Variants in TRMT11 observed in about 807,000 individuals in gnomAD.
TRMT11 encodes the protein tRNA (guanine(10)-N(2))-methyltransferase TRMT11.
TRMT11 carries 53 observed loss-of-function variants against 62.8 expected under a neutral mutation model. The observed-to-expected ratio is 0.84, with a 90% CI of 0.68 to 1.06. The LOEUF is 1.06. Among genes scored for constraint, TRMT11 ranks in the 50% least tolerant of loss-of-function variants. The probability of loss-of-function intolerance (pLI) is 0.00; values close to 1 mark genes in which losing one functional copy is unlikely to be tolerated. For missense variants in TRMT11, 556 were observed against 553.4 expected, an observed-to-expected ratio of 1.00 and a Z score of -0.05; for synonymous variants, 188 against 190.3, an observed-to-expected ratio of 0.99 and a Z score of 0.10.
intron 21 of TRMT11, among the ~76,000 whole-genome samples, chr6:126,135,194 CA>C (rs1320990589): frequency 1.3e-5 from 2 of 150,898 alleles, no homozygotes; most frequent in African/African-American, 4.9e-5. Flanking sequence ...AAAATATTAA[CA>C]AAATTAAACT....
chr6:126,050,351 A>G (rs376512244), intron 16 of TRMT11, among the ~76,000 whole-genome samples: 88 of 148,530 alleles, frequency 5.9e-4, no homozygotes, highest in African/African-American at 2.1e-3. Flanking sequence ...AAAAAAAAAT[A>G]GACAATAGAA....
intron 17 of TRMT11, among the ~76,000 whole-genome samples, chr6:126,071,804 C>T (rs557991450): frequency 5.0e-4 from 76 of 152,230 alleles, no homozygotes; most frequent in African/African-American, 1.8e-3. Flanking sequence ...CAGCTAAAAT[C>T]TCCTCCATGT....
chr6:126,060,716 T>G (rs2128125757), intron 17 of TRMT11, among the ~76,000 whole-genome samples: 1 of 152,334 alleles, frequency 6.6e-6, no homozygotes, highest in East Asian at 1.9e-4. Context: ...AAGTTTCTTC[T>G]TTTTTCTTTT....
At chr6:126,008,520 A>G (rs761749693) in intron 8 of TRMT11, 48 bp downstream of exon 8, 6 of 1,479,588 alleles carry the variant, frequency 4.1e-6, no homozygotes, top group Non-Finnish European at 5.7e-6. Context: ...GTGGTGCCAA[A>G]TGTACCTTTA....
intron 7 of TRMT11, 90 bp downstream of exon 7, chr6:125,999,703 T>C: frequency 8.5e-7 from 1 of 1,173,810 alleles, no homozygotes. Context: ...AAAGAGTAAA[T>C]GGATAATCTT....
chr6:126,069,791 C>T (rs1201207773), intron 17 of TRMT11, among the ~76,000 whole-genome samples: 1 of 151,302 alleles, frequency 6.6e-6, no homozygotes. Context: ...TTTTTCAAGA[C>T]AGTAACTGTG....
At chr6:126,009,795 A>G (rs1472785513) in intron 8 of TRMT11, among the ~76,000 whole-genome samples, 2 of 152,120 alleles carry the variant, frequency 1.3e-5, no homozygotes, top group South Asian at 2.1e-4. Flanking sequence ...TAGTAGAAGC[A>G]GTATATTTCT....
intron 21 of TRMT11, among the ~76,000 whole-genome samples, chr6:126,117,628 C>T (rs1777605643): frequency 6.6e-6 from 1 of 151,946 alleles, no homozygotes; most frequent in Non-Finnish European, 1.5e-5. Context: ...TTCATTCTGA[C>T]CATGATTATT....
chr6:126,155,613 T>C (rs1778109580), intron 21 of TRMT11, among the ~76,000 whole-genome samples: 2 of 152,146 alleles, frequency 1.3e-5, no homozygotes, highest in Non-Finnish European at 2.9e-5. Flanking sequence ...CAAGATACAA[T>C]GGTAATACAG....
At chr6:126,054,510 C>T (rs775770380) in intron 17 of TRMT11, among the ~76,000 whole-genome samples, 19 of 152,260 alleles carry the variant, frequency 1.2e-4, no homozygotes, top group Middle Eastern at 6.8e-3. Flanking sequence ...CCTCCTGCAC[C>T]GAGGGAGATG....
intron 12 of TRMT11, among the ~76,000 whole-genome samples, chr6:126,024,981 G>C (rs1270560987): frequency 1.3e-5 from 2 of 152,164 alleles, no homozygotes; most frequent in African/African-American, 4.8e-5. Context: ...ATTACCTGTA[G>C]ATTTTGCAGT....
At chr6:126,242,987 G>A in the TRMT11 span, among the ~76,000 whole-genome samples, 27 of 152,234 alleles carry the variant, frequency 1.8e-4, no homozygotes, top group African/African-American at 4.6e-4. Context: ...TACCATCAGA[G>A]TGAACAGGCA....
At chr6:126,125,381 T>C (rs1004270410) in intron 21 of TRMT11, among the ~76,000 whole-genome samples, 4 of 152,056 alleles carry the variant, frequency 2.6e-5, no homozygotes, top group Non-Finnish European at 5.9e-5. Flanking sequence ...ACTTTTTTTT[T>C]CACTTGTAAA....
At chr6:126,163,697 T>G (rs1778224905) in intron 21 of TRMT11, among the ~76,000 whole-genome samples, 1 of 152,252 alleles carries the variant, frequency 6.6e-6, no homozygotes, top group Non-Finnish European at 1.5e-5. Flanking sequence ...TTTTTTTGGT[T>G]GGTAGGTTAT....
intron 17 of TRMT11, among the ~76,000 whole-genome samples, chr6:126,105,099 C>G (rs910325731): frequency 6.6e-6 from 1 of 152,104 alleles, no homozygotes; most frequent in Non-Finnish European, 1.5e-5. Context: ...TCACAGAATC[C>G]CCACTGAGCT....
intron 21 of TRMT11, among the ~76,000 whole-genome samples, chr6:126,126,720 A>G (rs1221582845): frequency 1.3e-5 from 2 of 152,148 alleles, no homozygotes; most frequent in East Asian, 1.9e-4. Context: ...TAGTGGTTCA[A>G]CAGAACTGCA....
chr6:126,056,263 C>T (rs1204926247), intron 17 of TRMT11, among the ~76,000 whole-genome samples: 1 of 152,192 alleles, frequency 6.6e-6, no homozygotes, highest in African/African-American at 2.4e-5. Flanking sequence ...AGAGAAAACA[C>T]AGAGCCTAAA....
At chr6:125,992,376 G>C (rs945562709) in intron 1 of TRMT11, among the ~76,000 whole-genome samples, 1 of 152,164 alleles carries the variant, frequency 6.6e-6, no homozygotes, top group African/African-American at 2.4e-5. Flanking sequence ...ATGTAAAACT[G>C]ACTTTACAAT....
chr6:126,040,143 A>G (rs1041993865), downstream of TRMT11, among the ~76,000 whole-genome samples: 9 of 151,962 alleles, frequency 5.9e-5, no homozygotes, highest in Admixed American at 6.6e-5. Flanking sequence ...TTTGTCACTG[A>G]CTCAATTTGG....
Sources: allele counts gnomAD v4.1 joint callset (sites outside exome capture counted in the v4.1 genomes callset), GRCh38; gene constraint gnomAD v4.1.1; transcripts MANE v1.5; gene names NCBI Gene and HGNC (gene_info 2026-07-23, HGNC 2026-07-21).